The following FER variants were observed in gnomAD, a reference collection of about 807,000 sequenced individuals.
The protein encoded by FER is FER tyrosine kinase, also known as tyrosine-protein kinase Fer.
FER carries 63 observed loss-of-function variants against 111.0 expected under a neutral mutation model. The ratio of observed to expected loss-of-function variants is 0.57; its 90% confidence interval spans 0.46 to 0.70. The LOEUF is 0.70. FER is among the 30% of genes least tolerant of loss of function. The pLI is 0.00. For synonymous variants in FER, 327 were observed against 313.9 expected (o/e 1.04, Z -0.44); for missense variants, 914 against 954.0 (o/e 0.96, Z 0.55).
chr5:108,751,040 A>T (rs896103723), intron 1 of FER, among the ~76,000 whole-genome samples: 2 of 152,072 alleles, frequency 1.3e-5, no homozygotes, highest in Non-Finnish European at 2.9e-5. Flanking sequence ...TAAAAATACA[A>T]AATTAGCCGG....
intron 13 of FER, among the ~76,000 whole-genome samples, chr5:109,011,750 A>G (rs967083561): frequency 1.3e-5 from 2 of 152,218 alleles, no homozygotes; most frequent in African/African-American, 2.4e-5. Flanking sequence ...CAATAAATCT[A>G]CAGACCTGTG....
intron 3 of FER, among the ~76,000 whole-genome samples, chr5:108,817,830 A>G (rs546882283): frequency 2.0e-5 from 3 of 152,296 alleles, no homozygotes; most frequent in African/African-American, 7.2e-5. Context: ...CTCTTTTTCA[A>G]AAGTTGCATG....
chr5:108,970,371 A>G (rs1581448590), intron 13 of FER, among the ~76,000 whole-genome samples: 1 of 151,362 alleles, frequency 6.6e-6, no homozygotes. Flanking sequence ...GTCTGCCACC[A>G]TGCCTGGCTA....
intron 16 of FER, among the ~76,000 whole-genome samples, chr5:109,068,342 C>G (rs1057361494): frequency 6.6e-6 from 1 of 152,124 alleles, no homozygotes; most frequent in African/African-American, 2.4e-5. Flanking sequence ...CGCCTCCACA[C>G]CCGGCTAATT....
chr5:108,818,565 A>C (rs1758512958), intron 3 of FER, among the ~76,000 whole-genome samples: 1 of 152,192 alleles, frequency 6.6e-6, no homozygotes, highest in South Asian at 2.1e-4. Flanking sequence ...AAATTTTAAA[A>C]TCTCAAATTA....
chr5:109,106,870 C>T (rs1308988283), intron 17 of FER, among the ~76,000 whole-genome samples: 3 of 152,090 alleles, frequency 2.0e-5, no homozygotes, highest in African/African-American at 7.2e-5. Flanking sequence ...GGTTAATGTA[C>T]CAGCATATCT....
chr5:108,840,886 A>T (rs913968555), intron 5 of FER, among the ~76,000 whole-genome samples: 1 of 152,168 alleles, frequency 6.6e-6, no homozygotes, highest in Non-Finnish European at 1.5e-5. Flanking sequence ...AGAGAGATAC[A>T]TTGGCATGTG....
At chr5:108,748,209 C>T (rs1750007642) in intron 1 of FER, among the ~76,000 whole-genome samples, 1 of 152,212 alleles carries the variant, frequency 6.6e-6, no homozygotes, top group Non-Finnish European at 1.5e-5. Flanking sequence ...ATAACAGATA[C>T]AAGTAAAACG....
intron 16 of FER, among the ~76,000 whole-genome samples, chr5:109,077,409 GT>G (rs1372404569): frequency 6.6e-6 from 1 of 151,942 alleles, no homozygotes; most frequent in Non-Finnish European, 1.5e-5. Flanking sequence ...TAACATAATT[GT>G]TAATAAATAT....
intron 9 of FER, among the ~76,000 whole-genome samples, chr5:108,886,024 T>C (rs12109934): frequency 0.094 from 14,224 of 151,966 alleles, 913 homozygotes; most frequent in African/African-American, 0.18. Context: ...GGTTCTACTT[T>C]TTATAATTTT....
At chr5:109,145,627 G>A (rs1325079917) in intron 17 of FER, among the ~76,000 whole-genome samples, 1 of 151,994 alleles carries the variant, frequency 6.6e-6, no homozygotes, top group Non-Finnish European at 1.5e-5. Context: ...TTGCCAGCAA[G>A]ATCTAACATT....
At chr5:108,873,631 G>A (rs1764819254) in intron 8 of FER, among the ~76,000 whole-genome samples, 1 of 152,158 alleles carries the variant, frequency 6.6e-6, no homozygotes, top group South Asian at 2.1e-4. Context: ...GATTTTTGAA[G>A]CTGTTCCTAA....
chr5:109,017,823 A>G (rs1169246478), intron 13 of FER, among the ~76,000 whole-genome samples: 1 of 151,900 alleles, frequency 6.6e-6, no homozygotes, highest in Non-Finnish European at 1.5e-5. Context: ...AATTCACAAA[A>G]CCTACTTGTT....
intron 13 of FER, among the ~76,000 whole-genome samples, chr5:108,997,570 C>T (rs1764161111): frequency 6.6e-6 from 1 of 152,056 alleles, no homozygotes. Flanking sequence ...GGCCAGACTT[C>T]TAATACTATG....
intron 16 of FER, among the ~76,000 whole-genome samples, chr5:109,086,887 G>T (rs779358222): frequency 6.7e-6 from 1 of 149,908 alleles, no homozygotes; most frequent in East Asian, 2.0e-4. Flanking sequence ...GGTTTCTTCT[G>T]AGGCCTCTCT....
intron 5 of FER, among the ~76,000 whole-genome samples, chr5:108,845,011 T>TATATATATATAC (rs1761782511): frequency 2.5e-5 from 1 of 39,422 alleles, no homozygotes; most frequent in Non-Finnish European, 4.8e-5. Flanking sequence ...TATATATATA[T>TATATATATATAC]ATATATATAT....
chr5:109,125,391 T>A (rs891396645), intron 17 of FER, among the ~76,000 whole-genome samples: 1 of 152,166 alleles, frequency 6.6e-6, no homozygotes, highest in Non-Finnish European at 1.5e-5. Flanking sequence ...ATGTAAGTGG[T>A]TTTACATAAA....
intron 10 of FER, among the ~76,000 whole-genome samples, chr5:108,907,971 G>A (rs1305921677): frequency 6.6e-6 from 1 of 152,120 alleles, no homozygotes; most frequent in Non-Finnish European, 1.5e-5. Context: ...AAAGTTAAGT[G>A]ATTTAAGCAA....
chr5:109,149,174 G>A (rs2195944), intron 17 of FER, among the ~76,000 whole-genome samples: 29,227 of 151,964 alleles, frequency 0.19, 2,963 homozygotes, highest in Non-Finnish European at 0.22. Flanking sequence ...TATGTGTAAC[G>A]TTATTTAAAG....
Sources: allele counts gnomAD v4.1 joint callset (sites outside exome capture counted in the v4.1 genomes callset), GRCh38; gene constraint gnomAD v4.1.1; transcripts MANE v1.5; gene names NCBI Gene and HGNC (gene_info 2026-07-23, HGNC 2026-07-21).